GPRC5A: variants seen among roughly 807,000 people sequenced by gnomAD.
GPRC5A encodes retinoic acid-induced protein 3.
In GPRC5A, 19 loss-of-function variants were observed where a neutral mutation model predicts 22.5. The ratio of observed to expected loss-of-function variants is 0.85; its 90% CI spans 0.59 to 1.24. The LOEUF (loss-of-function observed/expected upper bound fraction) is 1.24, where lower values mean the gene tolerates loss of function less well. Ranked by LOEUF, GPRC5A falls within the 50% of genes most tolerant of loss-of-function variation. The probability of loss-of-function intolerance (pLI) is 0.00; values close to 1 mark genes in which losing one functional copy is unlikely to be tolerated. For missense variants in GPRC5A, 471 were observed against 451.1 expected, an observed-to-expected ratio of 1.04 and a Z score of -0.40; for synonymous variants, 192 against 184.5, an observed-to-expected ratio of 1.04 and a Z score of -0.33.
At chr12:12,899,097 T>C in intron 1 of GPRC5A, among the ~76,000 whole-genome samples, 1 of 152,132 alleles carries the variant, frequency 6.6e-6, no homozygotes, top group Admixed American at 6.5e-5. Context: ...GGCATGATCA[T>C]AGTTCACTGC....
At chr12:12,902,763 T>C (rs1319605169) in intron 1 of GPRC5A, among the ~76,000 whole-genome samples, 1 of 151,524 alleles carries the variant, frequency 6.6e-6, no homozygotes, top group Non-Finnish European at 1.5e-5. Context: ...AGAGTGAGAA[T>C]CTATCTCAAA....
At chr12:12,910,389 T>G (rs1181346282) in intron 2 of GPRC5A, among the ~76,000 whole-genome samples, 1 of 152,144 alleles carries the variant, frequency 6.6e-6, no homozygotes, top group African/African-American at 2.4e-5. Flanking sequence ...CCTGTTCTCA[T>G]TCACTGATGA....
chr12:12,912,739 T>A lies in GPRC5A; in HGVS notation c.*200T>A. ...GTAAGACTCCAGTTCTTAGAGGCGCTGTAGTATTTTTTTTTTTTTGTCTCA... is the reference window on the plus strand; with the variant it reads ...GTAAGACTCCAGTTCTTAGAGGCGCAGTAGTATTTTTTTTTTTTTGTCTCA... On this transcript the variant is annotated 3_prime_UTR_variant, in exon 4 of 4. Transcript: ENST00000014914. 1 of 501,780 alleles carries A rather than the reference T, an allele frequency of 2.0e-6. No individual in the cohort carries two copies. The highest frequency in any genetic ancestry group is 3.5e-6 in the Non-Finnish European group (1 of 289,600). The allele number at this position is 501,780 out of a possible 1,614,324, so 31.1% of individuals were successfully genotyped here.
At chr12:12,901,108 T>TCTC (rs1374235041) in intron 1 of GPRC5A, among the ~76,000 whole-genome samples, 3 of 151,746 alleles carry the variant, frequency 2.0e-5, no homozygotes, top group African/African-American at 7.3e-5. Context: ...GTGAAGAGGG[T>TCTC]CTCGTCCTCA....
At chr12:12,900,633 C>G (rs915920090) in intron 1 of GPRC5A, among the ~76,000 whole-genome samples, 1 of 152,088 alleles carries the variant, frequency 6.6e-6, no homozygotes, top group Non-Finnish European at 1.5e-5. Flanking sequence ...CACAGTGGCT[C>G]ACGCCTGTAA....
rs1304615511 is a variant in GPRC5A at position 12,914,556 on chromosome 12, C to CT, written c.*2020dup. 3 of 55,412 alleles carry CT rather than the reference C, an allele frequency of 5.4e-5. No homozygotes were observed. Among genetic ancestry groups the CT allele is most frequent in the African/African-American group, 3.7e-4 (3 of 8,212 alleles). The allele number at this position is 55,412 out of a possible 1,614,324, so 3.4% of individuals were successfully genotyped here. ...TCCTTCCTTCCTTCCTTTCTTCTTT[C>CT]TTTCTTTCTTTCTTTCTTTCTTTCT... On this transcript the variant is annotated 3_prime_UTR_variant, in exon 4 of 4. Coordinates refer to ENST00000014914, the MANE Select transcript of GPRC5A (RefSeq NM_003979.4).
At position 12,908,430 on chromosome 12, in the gene GPRC5A, AG is replaced by A. The variant is rs527915306; in HGVS notation, c.183del (p.Arg61SerfsTer59). The A allele has an allele frequency of 3.2e-3, 5,233 of 1,614,098 alleles. 12 individuals are homozygous for A. The highest frequency in any genetic ancestry group is 4.0e-3 in the Non-Finnish European group (4,662 of 1,179,980). ...CGTCTGCAAGGTGCAGGACTCCAACAGGCGAAAAATGCTGCCTACTCAGTTT... is the reference window on the plus strand; with the variant it reads ...CGTCTGCAAGGTGCAGGACTCCAACAGCGAAAAATGCTGCCTACTCAGTTT... ...ILVCKVQDSN[R>X]RKMLPTQFLF... is the part of the protein sequence containing the mutation. On this transcript the variant is annotated frameshift_variant, in exon 2 of 4. Transcript: ENST00000014914. LOFTEE classifies it high-confidence loss of function.
intron 1 of GPRC5A, among the ~76,000 whole-genome samples, chr12:12,902,411 A>G (rs1487585453): frequency 1.3e-5 from 2 of 151,936 alleles, no homozygotes; most frequent in Non-Finnish European, 2.9e-5. Context: ...GATAGTTGAT[A>G]ATAAAGGATT....
chr12:12,893,285 A>C (rs1308352321), intron 1 of GPRC5A, among the ~76,000 whole-genome samples: 1 of 152,160 alleles, frequency 6.6e-6, no homozygotes, highest in Non-Finnish European at 1.5e-5. Flanking sequence ...TCCCTTTAGA[A>C]CTGGCTTTTT....
At chr12:12,907,693 G>A (rs1863957082) in intron 1 of GPRC5A, among the ~76,000 whole-genome samples, 1 of 152,124 alleles carries the variant, frequency 6.6e-6, no homozygotes, top group South Asian at 2.1e-4. Context: ...GTGCAGTGAC[G>A]TGATCATAGC....
intron 1 of GPRC5A, among the ~76,000 whole-genome samples, chr12:12,905,870 T>A (rs1223445751): frequency 6.6e-6 from 1 of 152,188 alleles, no homozygotes; most frequent in Non-Finnish European, 1.5e-5. Flanking sequence ...ATTATCCGAA[T>A]GAGTAAGTAG....
At chr12:12,893,686 G>A (rs1279174513) in intron 1 of GPRC5A, among the ~76,000 whole-genome samples, 1 of 152,152 alleles carries the variant, frequency 6.6e-6, no homozygotes, top group Non-Finnish European at 1.5e-5. Flanking sequence ...GCAAACTATG[G>A]TCCATGGACC....
At chr12:12,899,424 A>G (rs1863859346) in intron 1 of GPRC5A, among the ~76,000 whole-genome samples, 1 of 152,156 alleles carries the variant, frequency 6.6e-6, no homozygotes, top group Non-Finnish European at 1.5e-5. Flanking sequence ...GTCAGGGAGA[A>G]AAGCTCTAGA....
intron 2 of GPRC5A, 35 bp downstream of exon 2, chr12:12,909,206 T>G (rs1170348002): frequency 7.3e-7 from 1 of 1,371,132 alleles, no homozygotes; most frequent in Admixed American, 2.0e-5. Context: ...GAGAATCCCT[T>G]GTAGAAAGGT....
In GPRC5A at chr12:12,914,396, C is replaced by T. The variant is rs1864036408; in HGVS notation, c.*1857C>T. ...GGAAGGACACATAGTGACACAGATC[C>T]TTCTGGTCTTTCCCAGGAGGTGTGA... On this transcript the variant is annotated 3_prime_UTR_variant, in exon 4 of 4. Transcript: ENST00000014914. The T allele has an allele frequency of 6.6e-6, 1 of 152,306 alleles. No individual in the cohort carries two copies. The highest frequency in any genetic ancestry group is 1.5e-5 in the Non-Finnish European group (1 of 68,044). The allele number at this position is 152,306 out of a possible 1,614,324, so 9.4% of individuals were successfully genotyped here. A position where few individuals can be genotyped will look rare whatever the true frequency, so the allele number is the denominator to read the frequency against.
Position 12,908,583 on chromosome 12 carries a change from C to T in GPRC5A, c.334C>T (p.Leu112=). 1.2e-6 allele frequency: 2 copies of T among 1,614,142 alleles called. No individual in the cohort carries two copies. Among genetic ancestry groups the T allele is most frequent in the Non-Finnish European group, 1.7e-6 (2 of 1,180,000 alleles). Residue 112 remains leucine, a synonymous_variant, in exon 2 of 4, where the codon CTG becomes TTG. Transcript: ENST00000014914. ...CCTCTTTTCCATCTGCTTCTCCTGC[C>T]TGCTGGCTCATGCTGTCAGTCTGAC... is the stretch of plus-strand genomic sequence containing the variant. ...GILFSICFSC[L]LAHAVSLTKL... is the part of the protein sequence containing the mutation.
At chr12:12,903,492 G>T (rs1038037219) in intron 1 of GPRC5A, among the ~76,000 whole-genome samples, 2 of 152,106 alleles carry the variant, frequency 1.3e-5, no homozygotes, top group African/African-American at 4.8e-5. Context: ...TCACCATCTT[G>T]CCCAGACTGC....
chr12:12,898,755 GTTAACCTGGGC>G (rs1444718900), intron 1 of GPRC5A, among the ~76,000 whole-genome samples: 4 of 152,164 alleles, frequency 2.6e-5, no homozygotes, highest in Non-Finnish European at 4.4e-5. Flanking sequence ...AAATCTGGGA[GTTAACCTGGGC>G]TTTTCCATTC....
At chr12:12,902,019 C>T (rs1863893313) in intron 1 of GPRC5A, among the ~76,000 whole-genome samples, 1 of 152,214 alleles carries the variant, frequency 6.6e-6, no homozygotes, top group Admixed American at 6.5e-5. Flanking sequence ...ATGCTGATCA[C>T]TTCTCTTTTC....
Sources: gnomAD v4.1 joint callset for allele counts (sites outside exome capture counted in the v4.1 genomes callset) on GRCh38, gnomAD v4.1.1 for gene constraint, MANE v1.5 for transcripts, NCBI Gene and HGNC (gene_info 2026-07-23, HGNC 2026-07-21) for gene names.